The following MOB1A variants were observed in gnomAD, a reference collection of about 807,000 sequenced individuals.
MOB1A encodes the protein MOB kinase activator 1A, also known as MOB1 Mps One Binder homolog A.
MOB1A carries 10 observed loss-of-function variants against 25.1 expected under a neutral mutation model. The ratio of observed to expected loss-of-function variants is 0.40; its 90% CI spans 0.25 to 0.68. The LOEUF is 0.68. Ranked by LOEUF, MOB1A falls within the 30% of genes least tolerant of loss-of-function variation. MOB1A has a pLI of 0.40. For synonymous variants in MOB1A, 81 were observed against 79.5 expected (o/e 1.02, Z -0.10); for missense variants, 177 against 256.3 (o/e 0.69, Z 2.11).
chr2:74,159,823 C>G (rs529140564), intron 4 of MOB1A, among the ~76,000 whole-genome samples: 2 of 102,612 alleles, frequency 1.9e-5, no homozygotes, highest in African/African-American at 3.8e-5. Flanking sequence ...TTTTGTCCCC[C>G]CCCCCACCCC....
intron 1 of MOB1A, among the ~76,000 whole-genome samples, chr2:74,174,179 G>A (rs141434758): frequency 2.0e-4 from 30 of 149,680 alleles, no homozygotes; most frequent in African/African-American, 7.2e-4. Flanking sequence ...GCTGAGGCAG[G>A]AGAATGGCTT....
intron 1 of MOB1A, among the ~76,000 whole-genome samples, chr2:74,174,269 CAA>C (rs760925429): frequency 1.5e-4 from 12 of 80,692 alleles, no homozygotes; most frequent in Non-Finnish European, 1.7e-4. Flanking sequence ...GACTCCGTCT[CAA>C]AAAAAAAAAA....
Position 74,156,438 on chromosome 2 carries a change from T to C in MOB1A, c.*130A>G. 2.7e-6 allele frequency: 2 copies of C among 753,888 alleles called. No individual in the cohort carries two copies. The highest frequency in any genetic ancestry group is 2.2e-6 in the Non-Finnish European group (1 of 445,300). 46.7% of individuals were successfully genotyped at this position (753,888 alleles called of 1,614,324 possible). On this transcript the variant is annotated 3_prime_UTR_variant, in exon 6 of 6. Coordinates refer to ENST00000396049, the MANE Select transcript of MOB1A (RefSeq NM_018221.5). ...CCTACCTTTGGGATAATTTTATCAG[T>C]AGACACAGGCAATGGGTATCTTTTT...
At chr2:74,163,872 A>T (rs181010226) in intron 4 of MOB1A, 49 of 152,344 alleles carry the variant, frequency 3.2e-4, no homozygotes, top group African/African-American at 1.1e-3. Context: ...ATCCCTATCT[A>T]TAAAAATTAA....
At chr2:74,176,169 G>C (rs915603447) in intron 1 of MOB1A, among the ~76,000 whole-genome samples, 14 of 149,090 alleles carry the variant, frequency 9.4e-5, no homozygotes, top group African/African-American at 3.5e-4. Flanking sequence ...CCAGCTACTT[G>C]GGAGGCTGAG....
intron 2 of MOB1A, among the ~76,000 whole-genome samples, chr2:74,167,529 TAATTCTA>T (rs1693166288): frequency 6.6e-6 from 1 of 152,198 alleles, no homozygotes; most frequent in Non-Finnish European, 1.5e-5. Flanking sequence ...ATACTGGAGA[TAATTCTA>T]ACTTAACGAT....
chr2:74,169,938 C>T (rs1693240023), intron 2 of MOB1A, among the ~76,000 whole-genome samples: 2 of 151,020 alleles, frequency 1.3e-5, no homozygotes, highest in Non-Finnish European at 3.0e-5. Flanking sequence ...TTGTATTTTA[C>T]TTTTTTAATT....
At position 74,178,783 on chromosome 2, in the gene MOB1A, G is replaced by C; in HGVS notation, c.-109C>G. On this transcript the variant is annotated 5_prime_UTR_variant, in exon 1 of 6. Transcript: ENST00000396049. ...CTTAGCTCACGGGCAGCGGAAGCCG[G>C]GCCGCCGCCGCTCGGAGCCGGGTTT... 2 of 493,120 alleles carry C rather than the reference G, an allele frequency of 4.1e-6. No individual in the cohort carries two copies. The allele number at this position is 493,120 out of a possible 1,614,324, so 30.5% of individuals were successfully genotyped here.
At chr2:74,160,422 C>A (rs866796937) in intron 4 of MOB1A, among the ~76,000 whole-genome samples, 2 of 152,280 alleles carry the variant, frequency 1.3e-5, no homozygotes, top group Middle Eastern at 3.4e-3. Flanking sequence ...CAGTGGCTCA[C>A]GCCTGTAATC....
At chr2:74,177,143 T>C (rs76550320) in intron 1 of MOB1A, among the ~76,000 whole-genome samples, 22,182 of 151,664 alleles carry the variant, frequency 0.15, 1,897 homozygotes, top group East Asian at 0.38. Context: ...TGAAACCCAG[T>C]CTCCACTAAA....
chr2:74,167,730 C>T (rs1267337007), intron 2 of MOB1A, among the ~76,000 whole-genome samples: 1 of 152,158 alleles, frequency 6.6e-6, no homozygotes, highest in Non-Finnish European at 1.5e-5. Context: ...TCTAATTAAT[C>T]ATAAACATTT....
intron 5 of MOB1A, 65 bp downstream of exon 5, chr2:74,159,026 G>A (rs1692883334): frequency 6.6e-7 from 1 of 1,523,548 alleles, no homozygotes; most frequent in Admixed American, 1.9e-5. Context: ...ACAGCTCTTT[G>A]TTGAAGTTCC....
intron 1 of MOB1A, among the ~76,000 whole-genome samples, chr2:74,176,672 G>A (rs566521449): frequency 4.0e-5 from 6 of 151,626 alleles, no homozygotes; most frequent in Admixed American, 6.6e-5. Context: ...ACTGAGGCAG[G>A]AGAATGGCGT....
chr2:74,174,853 G>A (rs1449295427), intron 1 of MOB1A, among the ~76,000 whole-genome samples: 1 of 152,198 alleles, frequency 6.6e-6, no homozygotes, highest in Non-Finnish European at 1.5e-5. Context: ...AGATGAATAG[G>A]CAATTCAGAA....
chr2:74,165,111 G>T, intron 4 of MOB1A, 107 bp downstream of exon 4: 1 of 802,532 alleles, frequency 1.2e-6, no homozygotes, highest in East Asian at 3.1e-5. Context: ...CTTGAGGCCA[G>T]GAGTTTGAGA....
chr2:74,168,322 G>C (rs78898259), intron 2 of MOB1A, among the ~76,000 whole-genome samples: 3,389 of 152,260 alleles, frequency 0.022, 121 homozygotes, highest in African/African-American at 0.076. Context: ...ACTTTACTGA[G>C]TGAGTATACT....
At chr2:74,171,304 A>AT (rs1056497777) in intron 2 of MOB1A, among the ~76,000 whole-genome samples, 75 of 152,062 alleles carry the variant, frequency 4.9e-4, no homozygotes, top group African/African-American at 1.8e-3. Context: ...TAAAATAAAA[A>AT]AAAAATAAAA....
At chr2:74,170,193 G>A (rs1408382208) in intron 2 of MOB1A, among the ~76,000 whole-genome samples, 1 of 151,968 alleles carries the variant, frequency 6.6e-6, no homozygotes, top group African/African-American at 2.4e-5. Context: ...CCAGGCTATA[G>A]TGCAGTGGCA....
chr2:74,168,318 C>T (rs2103723730), intron 2 of MOB1A, among the ~76,000 whole-genome samples: 1 of 152,260 alleles, frequency 6.6e-6, no homozygotes, highest in South Asian at 2.1e-4. Flanking sequence ...ATAAACTTTA[C>T]TGAGTGAGTA....
Sources: gnomAD v4.1 joint callset for allele counts (sites outside exome capture counted in the v4.1 genomes callset) on GRCh38, gnomAD v4.1.1 for gene constraint, MANE v1.5 for transcripts, NCBI Gene and HGNC (gene_info 2026-07-23, HGNC 2026-07-21) for gene names.